NTRK3: variants seen among roughly 807,000 people sequenced by gnomAD.
NTRK3 encodes the protein NT-3 growth factor receptor.
NTRK3 carries 24 observed loss-of-function variants against 91.7 expected under a neutral mutation model. The observed-to-expected ratio is 0.26, with a 90% CI of 0.19 to 0.37. The LOEUF is 0.37. NTRK3 is among the 10% of genes least tolerant of loss of function. NTRK3 has a pLI of 1.00. For synonymous variants in NTRK3, 483 were observed against 404.0 expected (o/e 1.20, Z -2.34); for missense variants, 880 against 1,068.9 (o/e 0.82, Z 2.46).
At chr15:87,897,802 A>G (rs76331651) in intron 17 of NTRK3, among the ~76,000 whole-genome samples, 15,163 of 152,166 alleles carry the variant, frequency 0.1, 1,233 homozygotes, top group African/African-American at 0.22. Context: ...GCCAAAAAAT[A>G]TAAAAATTAT....
At chr15:87,922,579 C>T (rs568253759) in intron 17 of NTRK3, among the ~76,000 whole-genome samples, 13 of 152,274 alleles carry the variant, frequency 8.5e-5, no homozygotes, top group Middle Eastern at 3.4e-3. Flanking sequence ...AAATGAAATA[C>T]AACACCCCAC....
chr15:88,073,253 T>C (rs926569275), intron 13 of NTRK3, among the ~76,000 whole-genome samples: 2 of 152,222 alleles, frequency 1.3e-5, no homozygotes, highest in Non-Finnish European at 2.9e-5. Flanking sequence ...GCGATCTGCC[T>C]GTTAACAAGC....
chr15:87,975,277 C>T (rs925752935), intron 14 of NTRK3, among the ~76,000 whole-genome samples: 2 of 152,062 alleles, frequency 1.3e-5, no homozygotes, highest in African/African-American at 4.8e-5. Flanking sequence ...CTTGTTTCTA[C>T]AAGATCTTAT....
intron 14 of NTRK3, among the ~76,000 whole-genome samples, chr15:87,958,992 G>A (rs1014187115): frequency 4.0e-5 from 3 of 74,276 alleles, no homozygotes; most frequent in African/African-American, 1.0e-4. Flanking sequence ...CCCCACCCCC[G>A]CTCCCCGCCC....
chr15:88,187,841 G>A (rs902217707), intron 3 of NTRK3, among the ~76,000 whole-genome samples: 1 of 151,840 alleles, frequency 6.6e-6, no homozygotes. Flanking sequence ...GGCTGAGGCA[G>A]GAGAATCGCT....
intron 14 of NTRK3, among the ~76,000 whole-genome samples, chr15:87,976,550 T>A (rs1201985217): frequency 1.3e-5 from 2 of 152,206 alleles, no homozygotes; most frequent in East Asian, 3.9e-4. Flanking sequence ...CTCTCCTGCA[T>A]ACAGGGCCTC....
intron 3 of NTRK3, among the ~76,000 whole-genome samples, chr15:88,194,591 AC>A (rs1468383765): frequency 6.6e-6 from 1 of 152,160 alleles, no homozygotes; most frequent in Non-Finnish European, 1.5e-5. Flanking sequence ...TTTCATAAAG[AC>A]CCCTGCCTCC....
intron 14 of NTRK3, among the ~76,000 whole-genome samples, chr15:87,984,897 C>T (rs2074609107): frequency 2.0e-5 from 3 of 152,290 alleles, no homozygotes; most frequent in South Asian, 4.1e-4. Flanking sequence ...TATTATCCTT[C>T]ACCCCTGCAC....
intron 3 of NTRK3, among the ~76,000 whole-genome samples, chr15:88,248,794 A>G (rs1168406987): frequency 6.6e-6 from 1 of 152,246 alleles, no homozygotes; most frequent in East Asian, 1.9e-4. Flanking sequence ...TGTCTAGAAC[A>G]TAGTAAGTGT....
chr15:88,205,078 A>C (rs1245027311), intron 3 of NTRK3, among the ~76,000 whole-genome samples: 3 of 152,182 alleles, frequency 2.0e-5, no homozygotes, highest in African/African-American at 7.2e-5. Context: ...GAAATTGGAG[A>C]GAAAGAAGAA....
At chr15:87,947,650 C>T (rs891593273) in intron 14 of NTRK3, among the ~76,000 whole-genome samples, 2 of 151,764 alleles carry the variant, frequency 1.3e-5, no homozygotes, top group Non-Finnish European at 2.9e-5. Flanking sequence ...AGCGTGACTA[C>T]ACGCAGGAGG....
intron 3 of NTRK3, among the ~76,000 whole-genome samples, chr15:88,184,947 G>T (rs959638306): frequency 1.1e-4 from 16 of 152,188 alleles, no homozygotes; most frequent in Admixed American, 2.6e-4. Context: ...AGAGTGTCAT[G>T]GAAAGAATGG....
chr15:88,162,366 A>G (rs754509423), intron 5 of NTRK3, among the ~76,000 whole-genome samples: 1 of 152,202 alleles, frequency 6.6e-6, no homozygotes, highest in African/African-American at 2.4e-5. Context: ...TAGGCACTCA[A>G]TGGAAATGAA....
chr15:88,024,119 C>T (rs2077820634), intron 14 of NTRK3, among the ~76,000 whole-genome samples: 2 of 152,174 alleles, frequency 1.3e-5, no homozygotes, highest in Admixed American at 6.5e-5. Flanking sequence ...CTGGCCTGGG[C>T]AATTCCTCTT....
intron 17 of NTRK3, among the ~76,000 whole-genome samples, chr15:87,899,171 G>T (rs1019247765): frequency 2.4e-4 from 36 of 152,144 alleles, no homozygotes; most frequent in Non-Finnish European, 8.8e-5. Context: ...ATTTAAATAA[G>T]GTAAGGGATT....
intron 13 of NTRK3, among the ~76,000 whole-genome samples, chr15:88,063,084 G>T (rs2046356305): frequency 6.6e-6 from 1 of 152,202 alleles, no homozygotes; most frequent in African/African-American, 2.4e-5. Context: ...CCATCCCTTG[G>T]ACAGATTACT....
intron 14 of NTRK3, among the ~76,000 whole-genome samples, chr15:87,999,432 C>G (rs1299354354): frequency 6.6e-6 from 1 of 152,236 alleles, no homozygotes; most frequent in Non-Finnish European, 1.5e-5. Flanking sequence ...TTACCAGATA[C>G]TGTCACTCCC....
chr15:88,163,230 A>G (rs999881316), intron 5 of NTRK3, among the ~76,000 whole-genome samples: 1 of 152,206 alleles, frequency 6.6e-6, no homozygotes, highest in Non-Finnish European at 1.5e-5. Flanking sequence ...TATGAGGTCA[A>G]CGGCTCATTT....
At chr15:88,034,657 T>G (rs1324580464) in intron 13 of NTRK3, among the ~76,000 whole-genome samples, 1 of 152,230 alleles carries the variant, frequency 6.6e-6, no homozygotes, top group African/African-American at 2.4e-5. Context: ...GAGAGAATAT[T>G]TCCCATCAAA....
Sources: gnomAD v4.1 joint callset for allele counts (sites outside exome capture counted in the v4.1 genomes callset) on GRCh38, gnomAD v4.1.1 for gene constraint, MANE v1.5 for transcripts, NCBI Gene and HGNC (gene_info 2026-07-23, HGNC 2026-07-21) for gene names.